The following SMOC2 variants were observed in gnomAD, a reference collection of about 807,000 sequenced individuals.
SMOC2 encodes the protein SPARC-related modular calcium-binding protein 2.
In SMOC2, 39 loss-of-function variants were observed where a neutral mutation model predicts 61.4. That is an observed-to-expected ratio of 0.64 (90% CI 0.49 to 0.83). The LOEUF is 0.83. Among genes scored for constraint, SMOC2 ranks in the 40% least tolerant of loss-of-function variants. SMOC2 has a pLI of 0.00. For synonymous variants in SMOC2, 247 were observed against 239.9 expected (o/e 1.03, Z -0.27); for missense variants, 556 against 592.9 (o/e 0.94, Z 0.65).
At chr6:168,539,798 G>A (rs1046898187) in intron 4 of SMOC2, among the ~76,000 whole-genome samples, 1 of 152,170 alleles carries the variant, frequency 6.6e-6, no homozygotes, top group African/African-American at 2.4e-5. Flanking sequence ...TCTGGCCCAT[G>A]CCTACTCACC....
intron 1 of SMOC2, among the ~76,000 whole-genome samples, chr6:168,450,659 C>A (rs1220010749): frequency 2.0e-5 from 3 of 152,152 alleles, no homozygotes; most frequent in Admixed American, 6.5e-5. Flanking sequence ...AAAGAATGAT[C>A]TCGGGCCCTG....
intron 1 of SMOC2, among the ~76,000 whole-genome samples, chr6:168,458,186 G>A (rs1003675444): frequency 7.2e-5 from 11 of 152,200 alleles, no homozygotes; most frequent in Non-Finnish European, 1.2e-4. Flanking sequence ...TCAACGTACC[G>A]GCTCATCAGA....
chr6:168,555,823 T>C (rs1053804486), intron 7 of SMOC2, among the ~76,000 whole-genome samples: 1 of 152,062 alleles, frequency 6.6e-6, no homozygotes, highest in African/African-American at 2.4e-5. Context: ...TGAGCACCTG[T>C]TTCTGTTGAC....
At chr6:168,599,608 C>CCCACACATACCCCCACACAG (rs1439622409) in intron 8 of SMOC2, among the ~76,000 whole-genome samples, 1 of 136,348 alleles carries the variant, frequency 7.3e-6, no homozygotes. Context: ...CCCCCACACA[C>CCCACACATACCCCCACACAG]CCACACACAC....
chr6:168,632,217 A>T (rs562053076), intron 9 of SMOC2, among the ~76,000 whole-genome samples: 5 of 152,380 alleles, frequency 3.3e-5, no homozygotes, highest in African/African-American at 1.2e-4. Context: ...ACTCAGGAAC[A>T]TCAGAAGTGA....
intron 7 of SMOC2, among the ~76,000 whole-genome samples, chr6:168,592,366 C>A (rs1785206485): frequency 7.7e-6 from 1 of 130,546 alleles, no homozygotes; most frequent in Non-Finnish European, 1.7e-5. Context: ...CCTGAGGCCT[C>A]ACGGGCATCT....
At chr6:168,454,859 C>T (rs939773187) in intron 1 of SMOC2, among the ~76,000 whole-genome samples, 1 of 152,190 alleles carries the variant, frequency 6.6e-6, no homozygotes, top group African/African-American at 2.4e-5. Context: ...GCCAGTGTTC[C>T]AGCAGATGCT....
At chr6:168,642,248 A>C (rs1007473238) in intron 9 of SMOC2, among the ~76,000 whole-genome samples, 11 of 152,206 alleles carry the variant, frequency 7.2e-5, no homozygotes, top group African/African-American at 2.7e-4. Context: ...AAAGTGATGG[A>C]CAGAAAACAG....
At chr6:168,651,856 C>A (rs184057442) in intron 10 of SMOC2, among the ~76,000 whole-genome samples, 4 of 152,100 alleles carry the variant, frequency 2.6e-5, no homozygotes, top group Admixed American at 6.5e-5. Context: ...GCCTGGCCAA[C>A]GTGGTGAAAA....
chr6:168,639,848 C>T (rs1180662011), intron 9 of SMOC2, among the ~76,000 whole-genome samples: 6 of 152,196 alleles, frequency 3.9e-5, no homozygotes, highest in South Asian at 4.1e-4. Flanking sequence ...GCCCAGTTGC[C>T]GGTCCTGTTT....
rs1215571987 is a variant in SMOC2, at chr6:168,441,431, G to A, written c.61G>A (p.Ala21Thr). The change falls in exon 1 of 13, where the codon GCT becomes ACT. Residue 21 changes from alanine (A) to threonine (T), a missense_variant. Transcript: ENST00000356284. ...LLAGLLPPVPAQKFSALTFLR... is the reference protein window; with the variant it reads ...LLAGLLPPVPTQKFSALTFLR... ...CGCTGGGCTGCTCCCGCCGGTGCCC[G>A]CTCAGAAGTTCTCGGCGCTCACGGT... The A allele has an allele frequency of 4.0e-6, 6 of 1,510,020 alleles. No homozygotes were observed. The highest frequency in any genetic ancestry group is 4.4e-6 in the Non-Finnish European group (5 of 1,132,958). 93.5% of individuals were successfully genotyped at this position (1,510,020 alleles called of 1,614,324 possible).
chr6:168,504,182 C>T (rs138056728), intron 1 of SMOC2, among the ~76,000 whole-genome samples: 22 of 152,118 alleles, frequency 1.4e-4, no homozygotes, highest in Non-Finnish European at 2.8e-4. Context: ...CTTAGATGGG[C>T]GGTCCCCAAC....
chr6:168,551,407 C>G (rs928940011), intron 7 of SMOC2, among the ~76,000 whole-genome samples: 25 of 151,424 alleles, frequency 1.7e-4, no homozygotes, highest in Admixed American at 4.6e-4. Context: ...AATGATTTTA[C>G]TGGAAATATA....
At chr6:168,641,832 G>A (rs904823874) in intron 9 of SMOC2, among the ~76,000 whole-genome samples, 1 of 152,168 alleles carries the variant, frequency 6.6e-6, no homozygotes, top group African/African-American at 2.4e-5. Flanking sequence ...TTCTATCAGT[G>A]TATTAGTTAT....
At chr6:168,518,027 T>A (rs180917362) in intron 2 of SMOC2, among the ~76,000 whole-genome samples, 5 of 152,334 alleles carry the variant, frequency 3.3e-5, no homozygotes, top group African/African-American at 1.2e-4. Context: ...TCCCATCGCA[T>A]GAGTGTTTCC....
chr6:168,543,643 T>A lies in SMOC2; in HGVS notation c.482T>A (p.Leu161Ter). 1.2e-6 allele frequency: 2 copies of A among 1,613,988 alleles called. No homozygotes were observed. The highest frequency in any genetic ancestry group is 1.7e-6 in the Non-Finnish European group (2 of 1,179,880). ...CTTTTAGGTTCCGTAAATGAAAAGT[T>A]ACCCCAACGCGAAGGCACAGGAAAA... is the stretch of plus-strand genomic sequence containing the variant. Reference protein sequence around the residue: ...PRCPGSVNEKLPQREGTGKTD... With the variant: ...PRCPGSVNEK The change falls in exon 5 of 13, where the codon TTA becomes TAA. Residue 161 changes from leucine (L) to a stop codon, truncating the protein, a stop_gained. Coordinates refer to ENST00000356284, the MANE Select transcript of SMOC2 (RefSeq NM_001166412.2). LOFTEE classifies it high-confidence loss of function.
In SMOC2 at chr6:168,601,441, G is replaced by A. The variant is rs150450825; in HGVS notation, c.824+2437G>A. On this transcript the variant is annotated intron_variant, in intron 8 of 12. Transcript: ENST00000356284. Reference sequence around the variant, plus strand: ...TGATATGGGGGATTGGTTCAAACCCGTGTGCTCCGCAGGGCTTGAAGAGAA... The same window carrying A: ...TGATATGGGGGATTGGTTCAAACCCATGTGCTCCGCAGGGCTTGAAGAGAA... Among the ~76,000 whole-genome samples, 842 of 152,370 alleles carry A rather than the reference G, an allele frequency of 5.5e-3. 8 individuals are homozygous for A. Among genetic ancestry groups the A allele is most frequent in the African/African-American group, 0.017 (708 of 41,568 alleles).
intron 8 of SMOC2, among the ~76,000 whole-genome samples, chr6:168,599,606 C>T (rs1165031740): frequency 7.3e-5 from 10 of 136,082 alleles, no homozygotes; most frequent in South Asian, 2.5e-4. Flanking sequence ...TACCCCCACA[C>T]ACCCACACAC....
At chr6:168,632,564 T>C (rs534283731) in intron 9 of SMOC2, among the ~76,000 whole-genome samples, 1 of 152,336 alleles carries the variant, frequency 6.6e-6, no homozygotes, top group South Asian at 2.1e-4. Flanking sequence ...CCCAGGTGCA[T>C]GACTTTGGCT....
Sources: allele counts gnomAD v4.1 joint callset (sites outside exome capture counted in the v4.1 genomes callset), GRCh38; gene constraint gnomAD v4.1.1; transcripts MANE v1.5; gene names NCBI Gene and HGNC (gene_info 2026-07-23, HGNC 2026-07-21).